The following ZFP64 variants were observed in gnomAD, a reference collection of about 807,000 sequenced individuals.
The protein encoded by ZFP64 is zinc finger protein 64.
A neutral mutation model predicts 51.6 loss-of-function variants in ZFP64; 14 were observed. That is an observed-to-expected ratio of 0.27 (90% confidence interval 0.18 to 0.42). ZFP64 has a LOEUF of 0.42. ZFP64 is among the 10% of genes least tolerant of loss of function. ZFP64 has a pLI of 1.00. For missense variants in ZFP64, 754 were observed against 906.8 expected (o/e 0.83, Z 2.16); for synonymous variants, 375 against 361.4 (o/e 1.04, Z -0.43).
chr20:52,178,022 C>G (rs1280850605), intron 2 of ZFP64, among the ~76,000 whole-genome samples: 2 of 148,022 alleles, frequency 1.4e-5, no homozygotes, highest in Non-Finnish European at 3.0e-5. Context: ...CCAGAGCAAG[C>G]CTCTGTCTCA....
chr20:52,146,071 T>G (rs1980509961), intron 5 of ZFP64, among the ~76,000 whole-genome samples: 2 of 152,006 alleles, frequency 1.3e-5, no homozygotes, highest in South Asian at 4.1e-4. Context: ...TTTTACTTTT[T>G]CAACTTAAAA....
chr20:52,151,547 A>G lies in ZFP64; in HGVS notation c.*599T>C, dbSNP rs1270406806. ...ATTAGAGTTGGAAAATCAAGTTGGAAACAAACACATGAATTCACTACTTAA... is the reference window on the plus strand; with the variant it reads ...ATTAGAGTTGGAAAATCAAGTTGGAGACAAACACATGAATTCACTACTTAA... On this transcript the variant is annotated 3_prime_UTR_variant, in exon 6 of 6. Coordinates refer to ENST00000216923, the MANE Select transcript of ZFP64 (RefSeq NM_018197.3). The G allele has an allele frequency of 2.0e-6, 2 of 985,606 alleles. No homozygotes were observed. The highest frequency in any genetic ancestry group is 2.4e-6 in the Non-Finnish European group (2 of 830,188). 61.1% of individuals were successfully genotyped at this position (985,606 alleles called of 1,614,324 possible).
At chr20:52,090,148 A>G (rs2078907785) in intron 7 of ZFP64, among the ~76,000 whole-genome samples, 1 of 152,288 alleles carries the variant, frequency 6.6e-6, no homozygotes, top group East Asian at 1.9e-4. Flanking sequence ...CATGCATCTT[A>G]TTTAGAAGCA....
At chr20:52,107,762 C>T (rs1978343486) in intron 5 of ZFP64, among the ~76,000 whole-genome samples, 1 of 152,230 alleles carries the variant, frequency 6.6e-6, no homozygotes, top group Admixed American at 6.5e-5. Flanking sequence ...CACCTACTCT[C>T]CTGTTGATGG....
At chr20:52,188,407 C>T (rs1159341075) in intron 1 of ZFP64, among the ~76,000 whole-genome samples, 2 of 147,224 alleles carry the variant, frequency 1.4e-5, no homozygotes, top group Non-Finnish European at 3.0e-5. Flanking sequence ...CTCTGCCTCC[C>T]GGGTTCACGC....
intron 6 of ZFP64, chr20:52,098,312 G>C: frequency 1.5e-6 from 2 of 1,349,758 alleles, no homozygotes; most frequent in Non-Finnish European, 2.0e-6. Context: ...GTTGTGTGCT[G>C]ATGTAGATAC....
At chr20:52,143,441 A>C (rs1980371544) in intron 5 of ZFP64, among the ~76,000 whole-genome samples, 1 of 143,418 alleles carries the variant, frequency 7.0e-6, no homozygotes, top group Non-Finnish European at 1.6e-5. Flanking sequence ...GTAGGCAATA[A>C]AGATTACAGG....
chr20:52,155,900 G>C (rs1480451439), intron 5 of ZFP64, among the ~76,000 whole-genome samples: 1 of 152,076 alleles, frequency 6.6e-6, no homozygotes, highest in Non-Finnish European at 1.5e-5. Context: ...ATTGCCGAAA[G>C]GGTAAAAACA....
At chr20:52,151,035 T>C (rs1213694375), downstream of ZFP64, among the ~76,000 whole-genome samples, 1 of 152,206 alleles carries the variant, frequency 6.6e-6, no homozygotes, top group Non-Finnish European at 1.5e-5. Context: ...ATCATTTTTG[T>C]GTCTAAACAG....
chr20:52,188,978 A>G (rs543754643), intron 1 of ZFP64, among the ~76,000 whole-genome samples: 3 of 152,230 alleles, frequency 2.0e-5, no homozygotes, highest in African/African-American at 7.2e-5. Flanking sequence ...TCCGTCTCAC[A>G]TAAAAAAAAA....
chr20:52,134,203 TA>T (rs5841879), intron 5 of ZFP64, among the ~76,000 whole-genome samples: 20 of 151,792 alleles, frequency 1.3e-4, no homozygotes, highest in Admixed American at 8.6e-4. Flanking sequence ...TTACATTTTT[TA>T]AAAAAAATAC....
In ZFP64 at chr20:52,189,539, G is replaced by A. The variant is rs542803803; in HGVS notation, c.46+2052C>T. On this transcript the variant is annotated intron_variant, in intron 1 of 5. Transcript: ENST00000216923. ...TGCCCAGGCTGGAGTGCAAGGGCAC[G>A]ATCTCAGCTCACTGCAACCTCCGCC... Among the ~76,000 whole-genome samples the A allele has an allele frequency of 5.3e-3, 803 of 150,598 alleles. 6 individuals are homozygous for A. Among genetic ancestry groups the A allele is most frequent in the African/African-American group, 0.018 (749 of 41,012 alleles).
rs1446346362 is a variant in ZFP64, at chr20:52,160,815, TGCA to T, written c.512-444_512-442del. ...AAAGATTACACTTCTCAGCCTCGCC[TGCA>T]GCTAGCTGTGATCTGTGACTAAGTT... is the stretch of plus-strand genomic sequence containing the variant. On this transcript the variant is annotated intron_variant, in intron 4 of 5. Coordinates refer to ENST00000216923, the MANE Select transcript of ZFP64 (RefSeq NM_018197.3). The surrounding 1 kb of genome is among the most constrained non-coding windows in gnomAD (Gnocchi z 4.2). Among the ~76,000 whole-genome samples, 2 of 152,208 alleles carry T rather than the reference TGCA, an allele frequency of 1.3e-5. No individual in the cohort carries two copies.
At chr20:52,090,983 T>C (rs1475543279) in intron 7 of ZFP64, among the ~76,000 whole-genome samples, 1 of 147,584 alleles carries the variant, frequency 6.8e-6, no homozygotes, top group Non-Finnish European at 1.5e-5. Flanking sequence ...TATACCCTTG[T>C]AGTCCCAGCT....
Position 52,160,135 on chromosome 20 carries a change from G to T in ZFP64, c.751C>A (p.Arg251=). Residue 251 remains arginine (R), a synonymous_variant, in exon 5 of 6, where the codon CGA becomes AGA. Coordinates refer to ENST00000216923, the MANE Select transcript of ZFP64 (RefSeq NM_018197.3). The surrounding 1 kb of genome is among the most constrained non-coding windows in gnomAD (Gnocchi z 4.2). The part of the protein sequence containing the change: ...RNSSQLTVHL[R]SHTGDAPFQC... The stretch of plus-strand genomic sequence containing the variant: ...AGGCAGGACTCACCCGTGTGGGATC[G>T]CAGGTGGACAGTGAGCTGGCTGGAG... 6.2e-7 allele frequency: 1 copy of T among 1,614,046 alleles called. No individual in the cohort carries two copies. Among genetic ancestry groups the T allele is most frequent in the Non-Finnish European group, 8.5e-7 (1 of 1,180,014 alleles).
intron 4 of ZFP64, among the ~76,000 whole-genome samples, chr20:52,161,418 A>G (rs986447127): frequency 5.3e-5 from 8 of 149,582 alleles, no homozygotes; most frequent in African/African-American, 2.0e-4. Context: ...AACAGCTGGA[A>G]TTAGAACCCA....
intron 5 of ZFP64, among the ~76,000 whole-genome samples, chr20:52,107,447 ATC>A (rs1360963764): frequency 6.6e-6 from 1 of 151,986 alleles, no homozygotes; most frequent in African/African-American, 2.4e-5. Flanking sequence ...CACAACCTAC[ATC>A]TCTCTTTATA....
intron 5 of ZFP64, among the ~76,000 whole-genome samples, chr20:52,155,044 A>G (rs1013492347): frequency 1.3e-5 from 2 of 152,228 alleles, no homozygotes; most frequent in Non-Finnish European, 2.9e-5. Context: ...ATAAACTAAA[A>G]TAAAAACCAA....
At chr20:52,104,102 G>C (rs1043983795) in intron 5 of ZFP64, among the ~76,000 whole-genome samples, 2 of 152,202 alleles carry the variant, frequency 1.3e-5, no homozygotes, top group Non-Finnish European at 2.9e-5. Flanking sequence ...TAAAGGAAAG[G>C]TATCAGCTAA....
Sources: allele counts gnomAD v4.1 joint callset (sites outside exome capture counted in the v4.1 genomes callset), GRCh38; gene constraint gnomAD v4.1.1; non-coding constraint Gnocchi (gnomAD v3.1); transcripts MANE v1.5; gene names NCBI Gene and HGNC (gene_info 2026-07-23, HGNC 2026-07-21).